The following MGAM2 variants were observed in gnomAD, a reference collection of about 807,000 sequenced individuals.
The protein encoded by MGAM2 is maltase-glucoamylase 2 (putative).
A neutral mutation model predicts 96.1 loss-of-function variants in MGAM2; 98 were observed. That is an observed-to-expected ratio of 1.02 (90% CI 0.87 to 1.21). The LOEUF is 1.21. MGAM2 is among the 50% of genes most tolerant of loss of function. The pLI, the probability that MGAM2 is intolerant of heterozygous loss-of-function variation, is 0.00. For missense variants in MGAM2, 2,055 were observed against 1,182.4 expected (o/e 1.74, Z -10.82); for synonymous variants, 749 against 414.8 (o/e 1.81, Z -9.79).
intron 14 of MGAM2, among the ~76,000 whole-genome samples, chr7:142,146,587 G>A (rs1427573328): frequency 6.6e-6 from 1 of 152,162 alleles, no homozygotes; most frequent in African/African-American, 2.4e-5. Context: ...CCAGTGAAGA[G>A]TTCACAAGGA....
chr7:142,177,534 C>G (rs995797624), intron 32 of MGAM2, among the ~76,000 whole-genome samples: 19 of 152,138 alleles, frequency 1.2e-4, no homozygotes, highest in African/African-American at 4.6e-4. Flanking sequence ...CCTCTCCTCT[C>G]TTGTAGTCTC....
Position 142,158,045 on chromosome 7 carries a change from C to T in MGAM2, c.2032C>T (p.His678Tyr), listed in dbSNP as rs772993068. The change falls in exon 18 of 48, where the codon CAT becomes TAT. Residue 678 changes from histidine to tyrosine, a missense_variant. His to Tyr is a moderately conservative substitution (Grantham distance 83). Coordinates refer to ENST00000477922, the MANE Select transcript of MGAM2 (RefSeq NM_001293626.2). ...LLPYLYTLFYHAHTRGETVAR... is the reference protein window; with the variant it reads ...LLPYLYTLFYYAHTRGETVAR... ...GCCCTATCTCTATACCCTTTTCTAC[C>T]ATGCTCACACCCGGGGAGAGACGGT... 5.7e-6 allele frequency: 4 copies of T among 702,836 alleles called. No homozygotes were observed. The highest frequency in any genetic ancestry group is 2.7e-5 in the East Asian group (1 of 37,286). The allele number at this position is 702,836 out of a possible 1,614,324, so 43.5% of individuals were successfully genotyped here.
chr7:142,173,210 A>AT lies in MGAM2; in HGVS notation c.3562-14dup, dbSNP rs1796254955. 2.8e-6 allele frequency: 2 copies of AT among 702,342 alleles called. No individual in the cohort carries two copies. The highest frequency in any genetic ancestry group is 2.0e-5 in the Admixed American group (1 of 49,938). The allele number at this position is 702,342 out of a possible 1,614,324, so 43.5% of individuals were successfully genotyped here. ...TTCCCTAAGAAATCTTTCTGGATGC[A>AT]TTTTTCTTTTTATTCTAGTTGATTG... On this transcript the variant is annotated intron_variant, in intron 30 of 47. Transcript: ENST00000477922.
At chr7:142,163,634 T>C (rs556391634) in intron 23 of MGAM2, among the ~76,000 whole-genome samples, 4 of 152,332 alleles carry the variant, frequency 2.6e-5, no homozygotes, top group African/African-American at 9.6e-5. Context: ...CTGGGTCTTA[T>C]GGTAATGCAT....
At chr7:142,126,548 T>C (rs891386809) in intron 3 of MGAM2, among the ~76,000 whole-genome samples, 1 of 152,054 alleles carries the variant, frequency 6.6e-6, no homozygotes, top group Non-Finnish European at 1.5e-5. Context: ...TCACTGGACA[T>C]TTCAGGTTTT....
chr7:142,206,767 A>G (rs1039590079), intron 45 of MGAM2, among the ~76,000 whole-genome samples: 3 of 152,210 alleles, frequency 2.0e-5, no homozygotes, highest in African/African-American at 7.2e-5. Context: ...TATGCTTAAA[A>G]ATTCAAATTC....
intron 31 of MGAM2, among the ~76,000 whole-genome samples, 161 bp from the exon 32 acceptor site, chr7:142,175,491 A>G (rs1318592661): frequency 2.0e-5 from 3 of 152,216 alleles, no homozygotes; most frequent in African/African-American, 7.2e-5. Context: ...TTCAATCTGC[A>G]GAATTGAAAA....
chr7:142,181,602 C>G (rs2129094329), intron 32 of MGAM2, among the ~76,000 whole-genome samples: 1 of 152,302 alleles, frequency 6.6e-6, no homozygotes, highest in East Asian at 1.9e-4. Context: ...TTCCTTAGCC[C>G]CAAGGGCGTC....
At chr7:142,139,694 A>G (rs540101136) in intron 10 of MGAM2, among the ~76,000 whole-genome samples, 26 of 151,598 alleles carry the variant, frequency 1.7e-4, no homozygotes, top group African/African-American at 3.9e-4. Context: ...TATGATGTTA[A>G]CATCTGAAGG....
chr7:142,160,096 T>G, intron 20 of MGAM2, 38 bp from the exon 21 acceptor site: 2 of 689,562 alleles, frequency 2.9e-6, no homozygotes, highest in Non-Finnish European at 5.3e-6. Flanking sequence ...TGAAACAGCT[T>G]ATTACCTGAT....
intron 45 of MGAM2, among the ~76,000 whole-genome samples, chr7:142,206,329 GC>G (rs781232740): frequency 2.0e-5 from 3 of 152,104 alleles, no homozygotes; most frequent in Non-Finnish European, 2.9e-5. Context: ...TGTGGTGGTG[GC>G]TGGGCTGGTT....
At chr7:142,206,421 C>G (rs1797402269) in intron 45 of MGAM2, among the ~76,000 whole-genome samples, 1 of 152,102 alleles carries the variant, frequency 6.6e-6, no homozygotes. Context: ...ACTACATGAT[C>G]TCTAAATATT....
intron 15 of MGAM2, among the ~76,000 whole-genome samples, chr7:142,149,842 T>G (rs919536319): frequency 2.6e-5 from 4 of 151,052 alleles, no homozygotes; most frequent in Admixed American, 1.3e-4. Context: ...CGCCCGGCCT[T>G]ACTTGGATGT....
Position 142,172,200 on chromosome 7 carries a change from G to T in MGAM2, c.3448+6G>T, listed in dbSNP as rs922021419. 11 of 710,566 alleles carry T rather than the reference G, an allele frequency of 1.5e-5. No homozygotes were observed. The African/African-American group carries it at 1.6e-4, about 10-fold the overall frequency. 44.0% of individuals were successfully genotyped at this position (710,566 alleles called of 1,614,324 possible). A position where few individuals can be genotyped will look rare whatever the true frequency, so the allele number is the denominator to read the frequency against. Reference sequence around the variant, plus strand: ...GCTAAATAGCAATGCCATGGGTAAGGCATAGGCACAGCTCCCATGCACCAC... The same window carrying T: ...GCTAAATAGCAATGCCATGGGTAAGTCATAGGCACAGCTCCCATGCACCAC... On this transcript the variant is annotated splice_donor_region_variant and intron_variant, in intron 29 of 47. Coordinates refer to ENST00000477922, the MANE Select transcript of MGAM2 (RefSeq NM_001293626.2).
intron 3 of MGAM2, among the ~76,000 whole-genome samples, chr7:142,127,085 A>C (rs1794752096): frequency 6.6e-6 from 1 of 152,240 alleles, no homozygotes; most frequent in South Asian, 2.1e-4. Flanking sequence ...TAAACAGAGC[A>C]GGCACTCAAT....
At chr7:142,205,468 C>T (rs1357159214) in intron 45 of MGAM2, among the ~76,000 whole-genome samples, 1 of 111,928 alleles carries the variant, frequency 8.9e-6, no homozygotes, top group African/African-American at 3.2e-5. Flanking sequence ...TCCTTGTCAA[C>T]ATTTATTATC....
chr7:142,150,066 T>C (rs1439023566), intron 15 of MGAM2, among the ~76,000 whole-genome samples: 1 of 151,888 alleles, frequency 6.6e-6, no homozygotes, highest in Non-Finnish European at 1.5e-5. Flanking sequence ...CTCAGGCTCC[T>C]GAGTAGCTAG....
At chr7:142,187,325 C>A (rs1020112832) in intron 35 of MGAM2, among the ~76,000 whole-genome samples, 16 of 152,212 alleles carry the variant, frequency 1.1e-4, no homozygotes, top group Non-Finnish European at 2.2e-4. Flanking sequence ...ATAATAGTAA[C>A]CTCTGGCCAT....
At chr7:142,135,547 ATCT>A (rs1795031706) in intron 7 of MGAM2, among the ~76,000 whole-genome samples, 1 of 151,894 alleles carries the variant, frequency 6.6e-6, no homozygotes, top group South Asian at 2.1e-4. Flanking sequence ...AGGCTTATTG[ATCT>A]TCTCAATTTT....
Sources: gnomAD v4.1 joint callset for allele counts (sites outside exome capture counted in the v4.1 genomes callset) on GRCh38, gnomAD v4.1.1 for gene constraint, MANE v1.5 for transcripts, NCBI Gene and HGNC (gene_info 2026-07-23, HGNC 2026-07-21) for gene names.